The following ARID1A variants were observed in gnomAD, a reference collection of about 807,000 sequenced individuals.
The protein encoded by ARID1A is AT-rich interaction domain 1A, also known as AT-rich interactive domain-containing protein 1A.
ARID1A carries 20 observed loss-of-function variants against 212.6 expected under a neutral mutation model. The ratio of observed to expected loss-of-function variants is 0.09; its 90% confidence interval spans 0.07 to 0.14. The LOEUF (loss-of-function observed/expected upper bound fraction) is 0.14. ARID1A is among the 10% of genes least tolerant of loss of function. The probability of loss-of-function intolerance (pLI) is 1.00; values close to 1 mark genes in which losing one functional copy is unlikely to be tolerated. For synonymous variants in ARID1A, 1,376 were observed against 1,222.1 expected (o/e 1.13, Z -2.63); for missense variants, 2,587 against 3,059.0 (o/e 0.85, Z 3.64).
intron 11 of ARID1A, chr1:26,769,761 T>C (rs564432768): frequency 1.3e-5 from 2 of 152,320 alleles, no homozygotes; most frequent in African/African-American, 4.8e-5. Flanking sequence ...ATATGGTAGA[T>C]GAATAAGCAT....
At position 26,696,346 on chromosome 1, in the gene ARID1A, A is replaced by AG. The variant is rs888239148; in HGVS notation, c.-51dup. On this transcript the variant is annotated 5_prime_UTR_variant, in exon 1 of 20. Transcript: ENST00000324856. ...GGACTGGGCCCCGGGGCGGGGTGGGAGGGGGGGAGAAGACGAAGACAGGGC... is the reference window on the plus strand; with the variant it reads ...GGACTGGGCCCCGGGGCGGGGTGGGAGGGGGGGGAGAAGACGAAGACAGGGC... 20 of 814,032 alleles carry AG rather than the reference A, an allele frequency of 2.5e-5. No individual in the cohort carries two copies. The highest frequency in any genetic ancestry group is 5.0e-4 in the Middle Eastern group (1 of 2,004). The allele number at this position is 814,032 out of a possible 1,614,324, so 50.4% of individuals were successfully genotyped here.
At chr1:26,738,750 G>A (rs541448404) in intron 4 of ARID1A, among the ~76,000 whole-genome samples, 1 of 152,104 alleles carries the variant, frequency 6.6e-6, no homozygotes, top group South Asian at 2.1e-4. Flanking sequence ...GTAGAGACAG[G>A]GTTTCACCAC....
chr1:26,699,562 C>T (rs532504123), intron 1 of ARID1A, among the ~76,000 whole-genome samples: 1 of 152,184 alleles, frequency 6.6e-6, no homozygotes, highest in Admixed American at 6.5e-5. Context: ...GATTCTACAT[C>T]TTCCATGATG....
chr1:26,696,748 TAACCTCACGG>T lies in ARID1A; in HGVS notation c.347_356del (p.Asn116SerfsTer113). On this transcript the variant is annotated frameshift_variant, in exon 1 of 20. Coordinates refer to ENST00000324856, the MANE Select transcript of ARID1A (RefSeq NM_006015.6). LOFTEE classifies it high-confidence loss of function. ...CGGGCCCTAGGCCCGCCCTGAACAATAACCTCACGGAGCCGCCCGGCGGCGGCGGTGGCGG... is the reference window on the plus strand; with the variant it reads ...CGGGCCCTAGGCCCGCCCTGAACAATAGCCGCCCGGCGGCGGCGGTGGCGG... 7.3e-7 allele frequency: 1 copy of T among 1,362,888 alleles called. No individual in the cohort carries two copies. The highest frequency in any genetic ancestry group is 9.4e-7 in the Non-Finnish European group (1 of 1,061,448). 84.4% of individuals were successfully genotyped at this position (1,362,888 alleles called of 1,614,324 possible). A position where few individuals can be genotyped will look rare whatever the true frequency, so the allele number is the denominator to read the frequency against.
chr1:26,708,247 T>G (rs1341471804), intron 1 of ARID1A, among the ~76,000 whole-genome samples: 1 of 147,404 alleles, frequency 6.8e-6, no homozygotes, highest in Non-Finnish European at 1.5e-5. Flanking sequence ...AGATTCAGCC[T>G]TTAAGATACA....
At chr1:26,709,748 C>T (rs1315686919) in intron 1 of ARID1A, among the ~76,000 whole-genome samples, 2 of 151,242 alleles carry the variant, frequency 1.3e-5, no homozygotes, top group Non-Finnish European at 2.9e-5. Context: ...AAACTCCTGA[C>T]CTCAAGCAAT....
chr1:26,697,494 C>T lies in ARID1A; in HGVS notation c.1091C>T (p.Pro364Leu), dbSNP rs1204814651. 2 of 1,403,426 alleles carry T rather than the reference C, an allele frequency of 1.4e-6. No homozygotes were observed. The highest frequency in any genetic ancestry group is 1.8e-6 in the Non-Finnish European group (2 of 1,086,318). 86.9% of individuals were successfully genotyped at this position (1,403,426 alleles called of 1,614,324 possible). ...QQRSHHAPMS[P>L]GSSGGGGQPL... ...AGGAGCCACCACGCGCCCATGAGCCCCGGGAGCAGCGGCGGCGGGGGGCAG... is the reference window on the plus strand; with the variant it reads ...AGGAGCCACCACGCGCCCATGAGCCTCGGGAGCAGCGGCGGCGGGGGGCAG... The change falls in exon 1 of 20, where the codon CCC becomes CTC. Residue 364 changes from proline (P) to leucine (L), a missense_variant. Transcript: ENST00000324856.
chr1:26,778,484 G>A (rs1158854807), intron 19 of ARID1A: 1 of 152,412 alleles, frequency 6.6e-6, no homozygotes, highest in Non-Finnish European at 1.5e-5. Flanking sequence ...TGTTTGGAGA[G>A]CTGAAGCCTC....
At chr1:26,735,248 CCCGAGTAG>C (rs1395358545) in intron 4 of ARID1A, among the ~76,000 whole-genome samples, 1 of 151,610 alleles carries the variant, frequency 6.6e-6, no homozygotes, top group Admixed American at 6.6e-5. Context: ...GCCTCAGTCT[CCCGAGTAG>C]CTGGGTTTAC....
rs529551108 is a variant in ARID1A at position 26,773,150 on chromosome 1, TCTC to T, written c.3715+166_3715+168del. On this transcript the variant is annotated intron_variant, in intron 14 of 19. Transcript: ENST00000324856. ...TTCATCCTTACCTCCTTTCTTGTCT[TCTC>T]CTTGGCTTCACCTTGTCATCCCTTA... Among the ~76,000 whole-genome samples, 83 of 152,092 alleles carry T rather than the reference TCTC, an allele frequency of 5.5e-4. No homozygotes were observed. The South Asian group carries it at 9.5e-3, about 17-fold the overall frequency.
At chr1:26,767,700 T>C in intron 10 of ARID1A, 90 bp from the exon 11 acceptor site, 3 of 1,304,372 alleles carry the variant, frequency 2.3e-6, no homozygotes, top group Non-Finnish European at 3.1e-6. Flanking sequence ...TAAGAAGCTT[T>C]AACACTGCTC....
intron 17 of ARID1A, 30 bp downstream of exon 17, chr1:26,773,928 A>G (rs1254874389): frequency 1.2e-6 from 2 of 1,605,490 alleles, no homozygotes; most frequent in Admixed American, 3.3e-5. Context: ...ATGGACTGGC[A>G]TGCAGGTTCG....
chr1:26,771,031 A>C lies in ARID1A; in HGVS notation c.3199-88A>C, dbSNP rs1051223646. The C allele has an allele frequency of 1.7e-5, 20 of 1,206,578 alleles. 1 individual carries two copies. The highest frequency in any genetic ancestry group is 3.8e-4 in the Middle Eastern group (2 of 5,202). 74.7% of individuals were successfully genotyped at this position (1,206,578 alleles called of 1,614,324 possible). A position where few individuals can be genotyped will look rare whatever the true frequency, so the allele number is the denominator to read the frequency against. Reference sequence around the variant, plus strand: ...AAGAACTGTGGTTCTACAAAGATGAATACCTTACAGCCTGATGGGGCTTGG... The same window carrying C: ...AAGAACTGTGGTTCTACAAAGATGACTACCTTACAGCCTGATGGGGCTTGG... On this transcript the variant is annotated intron_variant, in intron 11 of 19. Transcript: ENST00000324856. This position sits in a 1 kb window ranked among gnomAD's most constrained non-coding sequence, Gnocchi z 5.4.
chr1:26,713,796 A>G (rs2080476276), intron 1 of ARID1A, among the ~76,000 whole-genome samples: 1 of 152,186 alleles, frequency 6.6e-6, no homozygotes, highest in African/African-American at 2.4e-5. Flanking sequence ...CTGGAGACAG[A>G]TTCCTTCATC....
In ARID1A at chr1:26,720,068, T is replaced by C. The variant is rs537722797; in HGVS notation, c.1138-9583T>C. 4.4e-4 allele frequency among the ~76,000 whole-genome samples: 66 copies of C among 149,930 alleles called. 2 individuals carry two copies. Among genetic ancestry groups the C allele is most frequent in the Non-Finnish European group, 9.3e-4 (63 of 67,682 alleles). Reference sequence around the variant, plus strand: ...GTGTTTGAGACCAGCCTGACCAACATGGTGAAACCCCGTTGCTACTAAAAA... The same window carrying C: ...GTGTTTGAGACCAGCCTGACCAACACGGTGAAACCCCGTTGCTACTAAAAA... On this transcript the variant is annotated intron_variant, in intron 1 of 19. Coordinates refer to ENST00000324856, the MANE Select transcript of ARID1A (RefSeq NM_006015.6).
intron 4 of ARID1A, among the ~76,000 whole-genome samples, chr1:26,753,726 G>T (rs890584409): frequency 6.6e-6 from 1 of 152,196 alleles, no homozygotes; most frequent in Admixed American, 6.5e-5. Flanking sequence ...TCCCATTAAA[G>T]GGGCATTGCT....
In ARID1A at chr1:26,773,339, C is replaced by T. The variant is rs150792057; in HGVS notation, c.3716-7C>T. 1.4e-3 allele frequency: 2,224 copies of T among 1,562,092 alleles called. 1 individual carries two copies. Among genetic ancestry groups the T allele is most frequent in the Non-Finnish European group, 1.8e-3 (2,112 of 1,156,646 alleles). ...AGTTTGTTCACCGCTTGCCTTTCTACGCTCAGCTCCAGGGAGTGATCCCTT... is the reference window on the plus strand; with the variant it reads ...AGTTTGTTCACCGCTTGCCTTTCTATGCTCAGCTCCAGGGAGTGATCCCTT... On this transcript the variant is annotated splice_polypyrimidine_tract_variant and splice_region_variant and intron_variant, in intron 14 of 19. Coordinates refer to ENST00000324856, the MANE Select transcript of ARID1A (RefSeq NM_006015.6).
chr1:26,707,337 T>G (rs2124758256), intron 1 of ARID1A, among the ~76,000 whole-genome samples: 1 of 150,392 alleles, frequency 6.6e-6, no homozygotes, highest in African/African-American at 2.4e-5. Context: ...GCCTCCCGAG[T>G]AGCTGGGACT....
At chr1:26,698,142 C>T (rs999623717) in intron 1 of ARID1A, among the ~76,000 whole-genome samples, 3 of 152,254 alleles carry the variant, frequency 2.0e-5, no homozygotes, top group African/African-American at 7.2e-5. Context: ...GGGCTTCTCC[C>T]TGGAAGTGCT....
Sources: gnomAD v4.1 joint callset for allele counts (sites outside exome capture counted in the v4.1 genomes callset) on GRCh38, gnomAD v4.1.1 for gene constraint, Gnocchi (gnomAD v3.1) non-coding constraint, MANE v1.5 for transcripts, NCBI Gene and HGNC (gene_info 2026-07-23, HGNC 2026-07-21) for gene names.